SORCS3: variants seen among roughly 807,000 people sequenced by gnomAD.
The protein encoded by SORCS3 is VPS10 domain-containing receptor SorCS3.
A neutral mutation model predicts 146.3 loss-of-function variants in SORCS3; 57 were observed. The ratio of observed to expected loss-of-function variants is 0.39; its 90% confidence interval spans 0.31 to 0.49. SORCS3 has a LOEUF of 0.49. Among genes scored for constraint, SORCS3 ranks in the 20% least tolerant of loss-of-function variants. The pLI is 0.92. For missense variants in SORCS3, 1,341 were observed against 1,575.5 expected, an observed-to-expected ratio of 0.85 and a Z score of 2.52; for synonymous variants, 653 against 618.5, an observed-to-expected ratio of 1.06 and a Z score of -0.83.
intron 3 of SORCS3, among the ~76,000 whole-genome samples, chr10:104,919,135 C>T (rs2019060979): frequency 6.6e-6 from 1 of 152,134 alleles, no homozygotes; most frequent in South Asian, 2.1e-4. Flanking sequence ...GATACCACCT[C>T]CATTTATCCT....
intron 1 of SORCS3, among the ~76,000 whole-genome samples, chr10:104,668,588 T>G (rs1262889712): frequency 1.3e-5 from 2 of 152,238 alleles, no homozygotes; most frequent in Non-Finnish European, 2.9e-5. Context: ...TACACTTGTA[T>G]TGTCTTACCA....
intron 4 of SORCS3, among the ~76,000 whole-genome samples, chr10:104,998,734 A>C (rs930707260): frequency 1.3e-5 from 2 of 152,136 alleles, no homozygotes; most frequent in African/African-American, 4.8e-5. Context: ...CAGCTGGGTA[A>C]TAGTTGGCTA....
At chr10:105,130,159 A>G in intron 7 of SORCS3, among the ~76,000 whole-genome samples, 1 of 110,844 alleles carries the variant, frequency 9.0e-6, no homozygotes. Context: ...GATAGTACTA[A>G]TATCTGTTTT....
At chr10:104,850,904 C>CT (rs1023220121) in intron 2 of SORCS3, among the ~76,000 whole-genome samples, 1 of 152,218 alleles carries the variant, frequency 6.6e-6, no homozygotes, top group Middle Eastern at 3.2e-3. Context: ...ATAAAATCTG[C>CT]TGGTGAAGTT....
At chr10:104,889,870 A>G (rs1015840113) in intron 2 of SORCS3, among the ~76,000 whole-genome samples, 1 of 152,184 alleles carries the variant, frequency 6.6e-6, no homozygotes, top group East Asian at 1.9e-4. Flanking sequence ...GACTTCCTTT[A>G]CATTTTCTTG....
At chr10:104,677,452 GT>G (rs2015923677) in intron 1 of SORCS3, among the ~76,000 whole-genome samples, 1 of 152,342 alleles carries the variant, frequency 6.6e-6, no homozygotes, top group South Asian at 2.1e-4. Context: ...ATGCAAATGT[GT>G]TTTGCAGTGT....
At chr10:104,963,684 A>G (rs1265831273) in intron 3 of SORCS3, among the ~76,000 whole-genome samples, 3 of 152,092 alleles carry the variant, frequency 2.0e-5, no homozygotes, top group Non-Finnish European at 4.4e-5. Context: ...AACCTTGTAC[A>G]TTGCTCTTCT....
chr10:104,688,160 G>A (rs1467923072), intron 1 of SORCS3, among the ~76,000 whole-genome samples: 1 of 152,210 alleles, frequency 6.6e-6, no homozygotes, highest in African/African-American at 2.4e-5. Context: ...CCAGAAGCGG[G>A]TCTGGATTGC....
intron 19 of SORCS3, among the ~76,000 whole-genome samples, chr10:105,221,676 A>C (rs188213563): frequency 6.3e-4 from 96 of 152,306 alleles, no homozygotes; most frequent in Non-Finnish European, 1.0e-3. Flanking sequence ...GGAAGCAAAT[A>C]AGGACGGCTA....
At chr10:104,926,995 C>G (rs757209370) in intron 3 of SORCS3, among the ~76,000 whole-genome samples, 1 of 151,986 alleles carries the variant, frequency 6.6e-6, no homozygotes, top group Non-Finnish European at 1.5e-5. Context: ...TAAGATTATC[C>G]AGACATTTTA....
In SORCS3 at chr10:105,074,718, A is replaced by G. The variant is rs567283429; in HGVS notation, c.1029-15057A>G. ...GTAAAGCAGATGCCCATTTTCTACC[A>G]TTGATTCCAACCTCAGTCTGGGTCT... is the stretch of plus-strand genomic sequence containing the variant. On this transcript the variant is annotated intron_variant, in intron 5 of 26. Transcript: ENST00000369701. 7.2e-5 allele frequency among the ~76,000 whole-genome samples: 11 copies of G among 152,270 alleles called. No individual in the cohort carries two copies. In the East Asian group the frequency reaches 2.1e-3, roughly 29 times the overall value.
chr10:104,870,027 G>A (rs2018502184), intron 2 of SORCS3, among the ~76,000 whole-genome samples: 1 of 152,138 alleles, frequency 6.6e-6, no homozygotes, highest in Admixed American at 6.5e-5. Context: ...AAAGTTGTTG[G>A]AATAATGCAT....
At chr10:105,009,527 C>CAAAAAA (rs35368294) in intron 4 of SORCS3, among the ~76,000 whole-genome samples, 13 of 105,192 alleles carry the variant, frequency 1.2e-4, no homozygotes, top group Admixed American at 3.4e-4. Context: ...AACAAACAAA[C>CAAAAAA]AAAAAAAAAA....
At chr10:104,941,072 C>G (rs1358493076) in intron 3 of SORCS3, among the ~76,000 whole-genome samples, 2 of 152,190 alleles carry the variant, frequency 1.3e-5, no homozygotes, top group Non-Finnish European at 1.5e-5. Context: ...GAGAATGTCT[C>G]TTAGCATGCT....
chr10:104,824,110 G>A (rs2017907866), intron 1 of SORCS3, among the ~76,000 whole-genome samples: 1 of 152,158 alleles, frequency 6.6e-6, no homozygotes, highest in African/African-American at 2.4e-5. Context: ...CTTGATTATA[G>A]CCAGTAAAAC....
chr10:105,139,514 G>A, intron 8 of SORCS3, 28 bp downstream of exon 8: 1 of 1,566,856 alleles, frequency 6.4e-7, no homozygotes, highest in Non-Finnish European at 8.8e-7. Flanking sequence ...AGCGGTCCTG[G>A]GTCCCTCTAG....
intron 1 of SORCS3, among the ~76,000 whole-genome samples, chr10:104,794,351 G>A (rs946854533): frequency 6.6e-6 from 1 of 152,050 alleles, no homozygotes; most frequent in Non-Finnish European, 1.5e-5. Flanking sequence ...TGATGGCTGG[G>A]GCTTTTTCTA....
rs753452280 is a variant in SORCS3, at chr10:105,201,102, A to G, written c.2128-18A>G. ...TTTTTGTTTTTCTGTCTCTCACACT[A>G]TGGAATTTCTCTCTAAGGGAGAGCC... On this transcript the variant is annotated intron_variant, in intron 15 of 26. Transcript: ENST00000369701. 31 of 1,609,104 alleles carry G rather than the reference A, an allele frequency of 1.9e-5. No individual in the cohort carries two copies. The highest frequency in any genetic ancestry group is 2.6e-5 in the Non-Finnish European group (31 of 1,178,410).
chr10:104,768,837 A>C (rs1182762764), intron 1 of SORCS3, among the ~76,000 whole-genome samples: 1 of 152,152 alleles, frequency 6.6e-6, no homozygotes, highest in Non-Finnish European at 1.5e-5. Flanking sequence ...CCTGTCATGG[A>C]GGCAAAATGA....
Sources: allele counts gnomAD v4.1 joint callset (sites outside exome capture counted in the v4.1 genomes callset), GRCh38; gene constraint gnomAD v4.1.1; transcripts MANE v1.5; gene names NCBI Gene and HGNC (gene_info 2026-07-23, HGNC 2026-07-21).